C15orf40: variants seen among roughly 807,000 people sequenced by gnomAD.
C15orf40 encodes the protein chromosome 15 open reading frame 40, also known as UPF0235 protein C15orf40.
A neutral mutation model predicts 13.9 loss-of-function variants in C15orf40; 9 were observed. The observed-to-expected ratio is 0.65, with a 90% CI of 0.39 to 1.13. The LOEUF (loss-of-function observed/expected upper bound fraction) is 1.13. C15orf40 is among the 50% of genes most tolerant of loss of function. The probability of loss-of-function intolerance (pLI) is 0.01; values close to 1 mark genes in which losing one functional copy is unlikely to be tolerated. For synonymous variants in C15orf40, 95 were observed against 69.2 expected, an observed-to-expected ratio of 1.37 and a Z score of -1.85; for missense variants, 225 against 188.5, an observed-to-expected ratio of 1.19 and a Z score of -1.13.
chr15:82,991,670 T>A (rs905513764), downstream of C15orf40, among the ~76,000 whole-genome samples: 1 of 152,134 alleles, frequency 6.6e-6, no homozygotes, highest in African/African-American at 2.4e-5. Flanking sequence ...TCCCTTTTAT[T>A]CTCCCTTCCT....
In C15orf40 at chr15:83,000,566, C is replaced by T. The variant is rs918050002; in HGVS notation, c.*5031G>A. ...TAGTGCTGTTCACTACAAAAGGAAA[C>T]GAGTTTCAGTTTGTGTGGCTTTTTG... On this transcript the variant is annotated 3_prime_UTR_variant, in exon 4 of 4. Transcript: ENST00000304177. The T allele has an allele frequency of 6.6e-6, 1 of 152,198 alleles. No individual in the cohort carries two copies. The highest frequency in any genetic ancestry group is 1.5e-5 in the Non-Finnish European group (1 of 68,044). 9.4% of individuals were successfully genotyped at this position (152,198 alleles called of 1,614,324 possible).
rs1431267139 is a variant in C15orf40 at position 83,004,844 on chromosome 15, T to A, written c.*753A>T. The A allele has an allele frequency of 2.3e-6, 3 of 1,291,814 alleles. No homozygotes were observed. Among genetic ancestry groups the A allele is most frequent in the Non-Finnish European group, 3.1e-6 (3 of 980,614 alleles). The allele number at this position is 1,291,814 out of a possible 1,614,324, so 80.0% of individuals were successfully genotyped here. On this transcript the variant is annotated 3_prime_UTR_variant, in exon 4 of 4. Coordinates refer to ENST00000304177, the MANE Select transcript of C15orf40 (RefSeq NM_144597.3). ...CTGGATTAGAAGGCAATCCCCAGAA[T>A]TCCAGAACCGTTGTGGAGATATGAT...
In C15orf40 at chr15:82,995,335, C is replaced by T. The variant is rs1414266541; in HGVS notation, c.*10262G>A. On this transcript the variant is annotated 3_prime_UTR_variant, in exon 4 of 4. Coordinates refer to ENST00000304177, the MANE Select transcript of C15orf40 (RefSeq NM_144597.3). ...TCAGCTGTCGTGACACTGCTGAGGC[C>T]TCTGGGTGCCAGAGAAACATCTTGC... 1.3e-5 allele frequency: 2 copies of T among 152,268 alleles called. No individual in the cohort carries two copies. The highest frequency in any genetic ancestry group is 2.9e-5 in the Non-Finnish European group (2 of 68,102). The allele number at this position is 152,268 out of a possible 1,614,324, so 9.4% of individuals were successfully genotyped here. A position where few individuals can be genotyped will look rare whatever the true frequency, so the allele number is the denominator to read the frequency against.
Position 83,005,178 on chromosome 15 carries a change from T to TAC in C15orf40, c.*417_*418dup. 1 of 1,041,940 alleles carries TAC rather than the reference T, an allele frequency of 9.6e-7. No individual in the cohort carries two copies. Among genetic ancestry groups the TAC allele is most frequent in the South Asian group, 3.2e-5 (1 of 30,838 alleles). 64.5% of individuals were successfully genotyped at this position (1,041,940 alleles called of 1,614,324 possible). ...CTTTTTGGAGTCTTATTCGAATATA[T>TAC]ACATATATATATGTCCCCCATGTTC... On this transcript the variant is annotated 3_prime_UTR_variant, in exon 4 of 4. Transcript: ENST00000304177.
intron 3 of C15orf40, among the ~76,000 whole-genome samples, chr15:83,006,058 C>T (rs997337081): frequency 6.6e-6 from 1 of 151,868 alleles, no homozygotes; most frequent in Admixed American, 6.5e-5. Context: ...GGTGAAACCC[C>T]GTCTGTACTA....
At position 83,005,029 on chromosome 15, in the gene C15orf40, T is replaced by C; in HGVS notation, c.*568A>G. On this transcript the variant is annotated 3_prime_UTR_variant, in exon 4 of 4. Transcript: ENST00000304177. ...GAATGAAAGGTGTTAAATCAGGTCATCTTGAATATTCTTCCCAGCTCTGTT... is the reference window on the plus strand; with the variant it reads ...GAATGAAAGGTGTTAAATCAGGTCACCTTGAATATTCTTCCCAGCTCTGTT... The C allele has an allele frequency of 1.6e-6, 2 of 1,220,260 alleles. No homozygotes were observed. Among genetic ancestry groups the C allele is most frequent in the South Asian group, 2.9e-5 (2 of 69,298 alleles). 75.6% of individuals were successfully genotyped at this position (1,220,260 alleles called of 1,614,324 possible).
chr15:82,993,390 G>C (rs1351416167), downstream of C15orf40, among the ~76,000 whole-genome samples: 1 of 152,194 alleles, frequency 6.6e-6, no homozygotes, highest in African/African-American at 2.4e-5. Flanking sequence ...AAGACGTTGA[G>C]AATTAAGGAT....
At chr15:83,011,389 C>G in intron 1 of C15orf40, 108 bp downstream of exon 1, 2 of 1,273,718 alleles carry the variant, frequency 1.6e-6, no homozygotes, top group Non-Finnish European at 2.1e-6. Context: ...TGAGAGACGG[C>G]AAGCCGCTGG....
rs2031475106 is a variant in C15orf40, at chr15:83,002,847, A to G, written c.*2750T>C. The G allele has an allele frequency of 6.6e-6, 1 of 152,210 alleles. No homozygotes were observed. The allele number at this position is 152,210 out of a possible 1,614,324, so 9.4% of individuals were successfully genotyped here. A position where few individuals can be genotyped will look rare whatever the true frequency, so the allele number is the denominator to read the frequency against. ...AGTCTGCCTCTGCAGCCCACGCTGGAGCGCAGTTCGCAGTTGTGCGATCTT... is the reference window on the plus strand; with the variant it reads ...AGTCTGCCTCTGCAGCCCACGCTGGGGCGCAGTTCGCAGTTGTGCGATCTT... On this transcript the variant is annotated 3_prime_UTR_variant, in exon 4 of 4. Coordinates refer to ENST00000304177, the MANE Select transcript of C15orf40 (RefSeq NM_144597.3).
In C15orf40 at chr15:82,996,158, C is replaced by T. The variant is rs956851612; in HGVS notation, c.*9439G>A. ...TGGGTTTCAGTGACTCCTCCTGAGA[C>T]AGCTTCAGGGGATGATGTGATGATG... On this transcript the variant is annotated 3_prime_UTR_variant, in exon 4 of 4. Coordinates refer to ENST00000304177, the MANE Select transcript of C15orf40 (RefSeq NM_144597.3). The T allele has an allele frequency of 1.3e-5, 2 of 152,212 alleles. No homozygotes were observed. Among genetic ancestry groups the T allele is most frequent in the Admixed American group, 6.5e-5 (1 of 15,276 alleles). 9.4% of individuals were successfully genotyped at this position (152,212 alleles called of 1,614,324 possible).
At chr15:82,989,219 T>G, downstream of C15orf40, 1 of 1,606,256 alleles carries the variant, frequency 6.2e-7, no homozygotes, top group Non-Finnish European at 8.5e-7. Flanking sequence ...ATGCAGATAG[T>G]TGATCTGGCA....
chr15:83,006,499 C>A lies in C15orf40; in HGVS notation c.367-807G>T, dbSNP rs2031685521. ...TGTTGGCCAGGTGTGGTGGCTCACA[C>A]CTGTAATCCTAGCACTCTGGGAGGC... On this transcript the variant is annotated intron_variant, in intron 3 of 3. Transcript: ENST00000304177. 5.1e-6 allele frequency: 5 copies of A among 983,574 alleles called. No individual in the cohort carries two copies. The South Asian group carries it at 1.9e-4, about 37-fold the overall frequency. The allele number at this position is 983,574 out of a possible 1,614,324, so 60.9% of individuals were successfully genotyped here.
chr15:83,008,328 G>A (rs1195688825), intron 3 of C15orf40: 1 of 461,562 alleles, frequency 2.2e-6, no homozygotes, highest in African/African-American at 2.0e-5. Flanking sequence ...AGACCAGCCT[G>A]ACCAACATGG....
At chr15:83,007,332 A>C (rs972938851) in intron 3 of C15orf40, among the ~76,000 whole-genome samples, 5 of 152,232 alleles carry the variant, frequency 3.3e-5, no homozygotes, top group African/African-American at 1.2e-4. Flanking sequence ...AGGATGAGAG[A>C]GCTAAGCAAG....
Position 83,010,551 on chromosome 15 carries a change from G to C in C15orf40, c.112-188C>G, listed in dbSNP as rs2031945529. 5 of 604,466 alleles carry C rather than the reference G, an allele frequency of 8.3e-6. No homozygotes were observed. In the South Asian group the frequency reaches 9.3e-5, roughly 11 times the overall value. The allele number at this position is 604,466 out of a possible 1,614,324, so 37.4% of individuals were successfully genotyped here. A position where few individuals can be genotyped will look rare whatever the true frequency, so the allele number is the denominator to read the frequency against. On this transcript the variant is annotated intron_variant, in intron 1 of 3. Transcript: ENST00000304177. The stretch of plus-strand genomic sequence containing the variant: ...GCTCTACTCAATTTTCCCACGAAGG[G>C]TTCCCATCAACCCAACAGTGTTTTT...
chr15:83,004,708 A>G lies in C15orf40; in HGVS notation c.*889T>C. The G allele has an allele frequency of 1.1e-6, 1 of 932,482 alleles. No individual in the cohort carries two copies. The highest frequency in any genetic ancestry group is 1.3e-6 in the Non-Finnish European group (1 of 779,716). 57.8% of individuals were successfully genotyped at this position (932,482 alleles called of 1,614,324 possible). On this transcript the variant is annotated 3_prime_UTR_variant, in exon 4 of 4. Transcript: ENST00000304177. ...CTTTACTTTTTCAACAAAATGGTAA[A>G]TATAGTCTTTAAAAGATGTAAAAAA... is the stretch of plus-strand genomic sequence containing the variant.
intron 1 of C15orf40, chr15:83,011,230 T>C: frequency 2.6e-6 from 1 of 388,466 alleles, no homozygotes; most frequent in Non-Finnish European, 4.6e-6. Flanking sequence ...AGGCCAAAGG[T>C]CAGCACACGC....
rs1320597756 is a variant in C15orf40, at chr15:83,001,415, T to G, written c.*4182A>C. 4.0e-6 allele frequency: 2 copies of G among 494,074 alleles called. No individual in the cohort carries two copies. Among genetic ancestry groups the G allele is most frequent in the Non-Finnish European group, 5.2e-6 (2 of 381,186 alleles). The allele number at this position is 494,074 out of a possible 1,614,324, so 30.6% of individuals were successfully genotyped here. A position where few individuals can be genotyped will look rare whatever the true frequency, so the allele number is the denominator to read the frequency against. On this transcript the variant is annotated 3_prime_UTR_variant, in exon 4 of 4. Coordinates refer to ENST00000304177, the MANE Select transcript of C15orf40 (RefSeq NM_144597.3). ...AGATGACAGATGCAGTGCTAGAACATCATATGTCGGCATAGTTGGATAAAT... is the reference window on the plus strand; with the variant it reads ...AGATGACAGATGCAGTGCTAGAACAGCATATGTCGGCATAGTTGGATAAAT...
rs1389306633 is a variant in C15orf40, at chr15:82,998,321, C to G, written c.*7276G>C. 1 of 144,796 alleles carries G rather than the reference C, an allele frequency of 6.9e-6. No individual in the cohort carries two copies. The highest frequency in any genetic ancestry group is 2.2e-4 in the East Asian group (1 of 4,566). 9.0% of individuals were successfully genotyped at this position (144,796 alleles called of 1,614,324 possible). A position where few individuals can be genotyped will look rare whatever the true frequency, so the allele number is the denominator to read the frequency against. ...GGGTGGCTGCCGGGCGGAGACGCTC[C>G]TCACTTCCCAGATGGGGTGGCTGCC... On this transcript the variant is annotated 3_prime_UTR_variant, in exon 4 of 4. Coordinates refer to ENST00000304177, the MANE Select transcript of C15orf40 (RefSeq NM_144597.3).
Sources: allele counts gnomAD v4.1 joint callset (sites outside exome capture counted in the v4.1 genomes callset), GRCh38; gene constraint gnomAD v4.1.1; transcripts MANE v1.5; gene names NCBI Gene and HGNC (gene_info 2026-07-23, HGNC 2026-07-21).